GRM5: variants seen among roughly 807,000 people sequenced by gnomAD.
GRM5 encodes the protein glutamate metabotropic receptor 5.
In GRM5, 19 loss-of-function variants were observed where a neutral mutation model predicts 83.1. The observed-to-expected ratio is 0.23, with a 90% CI of 0.16 to 0.34. The LOEUF is 0.34. Ranked by LOEUF, GRM5 falls within the 10% of genes least tolerant of loss-of-function variation. GRM5 has a pLI of 1.00. For synonymous variants in GRM5, 675 were observed against 633.6 expected, an observed-to-expected ratio of 1.07 and a Z score of -0.98; for missense variants, 1,160 against 1,588.3, an observed-to-expected ratio of 0.73 and a Z score of 4.58.
At chr11:88,648,868 G>A (rs920088729) in intron 4 of GRM5, among the ~76,000 whole-genome samples, 3 of 151,224 alleles carry the variant, frequency 2.0e-5, no homozygotes, top group Non-Finnish European at 4.4e-5. Flanking sequence ...GCTTAACAGC[G>A]GTGTAATTGG....
At chr11:88,625,376 A>G (rs7481199) in intron 4 of GRM5, among the ~76,000 whole-genome samples, 23,364 of 152,190 alleles carry the variant, frequency 0.15, 2,393 homozygotes, top group Non-Finnish European at 0.23. Flanking sequence ...TCTGCACTCT[A>G]TCACAGGTGG....
At chr11:88,773,965 G>A (rs996062563) in intron 3 of GRM5, among the ~76,000 whole-genome samples, 18 of 152,150 alleles carry the variant, frequency 1.2e-4, no homozygotes, top group Non-Finnish European at 2.1e-4. Context: ...GAACTTTAAA[G>A]TAGTTTCTTC....
At chr11:88,800,718 C>G (rs1443649310) in intron 3 of GRM5, among the ~76,000 whole-genome samples, 1 of 152,102 alleles carries the variant, frequency 6.6e-6, no homozygotes, top group Admixed American at 6.6e-5. Context: ...ATTTAAGTCC[C>G]TCCTCTATCA....
chr11:88,897,991 A>C (rs1945257013), intron 2 of GRM5, among the ~76,000 whole-genome samples: 2 of 152,116 alleles, frequency 1.3e-5, no homozygotes, highest in South Asian at 4.1e-4. Flanking sequence ...GGTGCCTTAG[A>C]ACAACAGAAA....
chr11:89,002,815 C>G (rs1268375735), intron 2 of GRM5, among the ~76,000 whole-genome samples: 2 of 151,952 alleles, frequency 1.3e-5, no homozygotes, highest in Non-Finnish European at 2.9e-5. Flanking sequence ...AGAATGCTTC[C>G]CCCCCAGAGA....
At chr11:88,548,035 G>C (rs530472262) in intron 8 of GRM5, among the ~76,000 whole-genome samples, 1 of 152,206 alleles carries the variant, frequency 6.6e-6, no homozygotes, top group African/African-American at 2.4e-5. Flanking sequence ...GACCAAAAAT[G>C]TGTGTCCAGG....
At chr11:88,987,302 G>A (rs995653104) in intron 2 of GRM5, among the ~76,000 whole-genome samples, 3 of 151,934 alleles carry the variant, frequency 2.0e-5, no homozygotes, top group Non-Finnish European at 2.9e-5. Flanking sequence ...CTTTTCCGAC[G>A]GGCTTAAAAA....
intron 2 of GRM5, among the ~76,000 whole-genome samples, chr11:88,855,962 C>T (rs1182742679): frequency 6.6e-6 from 1 of 151,844 alleles, no homozygotes; most frequent in African/African-American, 2.4e-5. Flanking sequence ...CTAAGCAGAA[C>T]ACCAAGCAGA....
At chr11:88,636,820 A>G (rs1007386373) in intron 4 of GRM5, among the ~76,000 whole-genome samples, 2 of 152,076 alleles carry the variant, frequency 1.3e-5, no homozygotes, top group Admixed American at 6.6e-5. Flanking sequence ...TCCTTTCCCC[A>G]TTGCTTGTTT....
intron 3 of GRM5, among the ~76,000 whole-genome samples, chr11:88,751,072 C>CAAAAAAAAAAAAAAAAAAAA (rs774458890): frequency 5.9e-4 from 28 of 47,342 alleles, no homozygotes; most frequent in African/African-American, 1.1e-3. Flanking sequence ...TAGCAGAAGC[C>CAAAAAAAAAAAAAAAAAAAA]AAAAAAAAAA....
intron 4 of GRM5, among the ~76,000 whole-genome samples, chr11:88,626,261 T>C (rs1938794158): frequency 6.6e-6 from 1 of 152,218 alleles, no homozygotes; most frequent in South Asian, 2.1e-4. Context: ...TTTTAGACCA[T>C]AAAACATTCT....
At chr11:88,560,103 G>T (rs376540163) in intron 8 of GRM5, among the ~76,000 whole-genome samples, 1 of 152,058 alleles carries the variant, frequency 6.6e-6, no homozygotes, top group Non-Finnish European at 1.5e-5. Context: ...AGTCAGGCAG[G>T]GGGTGGCCAG....
intron 3 of GRM5, among the ~76,000 whole-genome samples, chr11:88,819,955 T>TA (rs748635027): frequency 3.3e-5 from 5 of 152,150 alleles, no homozygotes; most frequent in Non-Finnish European, 7.4e-5. Flanking sequence ...TCCATTATAA[T>TA]ATAATTAATC....
intron 2 of GRM5, among the ~76,000 whole-genome samples, chr11:88,937,316 T>A (rs1415784513): frequency 2.0e-5 from 3 of 151,758 alleles, no homozygotes; most frequent in Non-Finnish European, 4.4e-5. Context: ...GTATAGAGTA[T>A]GAAAAACTTA....
chr11:88,659,169 T>C (rs1478068760), intron 3 of GRM5, among the ~76,000 whole-genome samples: 3 of 152,158 alleles, frequency 2.0e-5, no homozygotes, highest in Non-Finnish European at 4.4e-5. Flanking sequence ...TAAAGGAGCA[T>C]TTTTAATGAT....
At chr11:88,978,524 A>T (rs1344804438) in intron 2 of GRM5, among the ~76,000 whole-genome samples, 1 of 143,520 alleles carries the variant, frequency 7.0e-6, no homozygotes, top group Non-Finnish European at 1.5e-5. Context: ...AAACCTCATA[A>T]TGTCTTAAGA....
chr11:88,919,790 C>A (rs530351502), intron 2 of GRM5, among the ~76,000 whole-genome samples: 33 of 151,946 alleles, frequency 2.2e-4, no homozygotes, highest in Non-Finnish European at 4.3e-4. Context: ...ACAAAATGTT[C>A]CTGAATGACC....
chr11:88,770,628 T>C (rs1391804509), intron 3 of GRM5, among the ~76,000 whole-genome samples: 1 of 152,142 alleles, frequency 6.6e-6, no homozygotes, highest in Non-Finnish European at 1.5e-5. Flanking sequence ...GGTTATATAT[T>C]TGATTTATTA....
intron 8 of GRM5, among the ~76,000 whole-genome samples, chr11:88,529,781 G>A (rs1303601293): frequency 1.3e-5 from 2 of 151,854 alleles, no homozygotes; most frequent in African/African-American, 4.8e-5. Context: ...AGACTATTTG[G>A]GAGGCAAAAA....
Sources: gnomAD v4.1 joint callset for allele counts (sites outside exome capture counted in the v4.1 genomes callset) on GRCh38, gnomAD v4.1.1 for gene constraint, MANE v1.5 for transcripts, NCBI Gene and HGNC (gene_info 2026-07-23, HGNC 2026-07-21) for gene names.